ANKRD31: variants seen among roughly 807,000 people sequenced by gnomAD.
ANKRD31 encodes the protein ankyrin repeat domain-containing protein 31.
A neutral mutation model predicts 186.0 loss-of-function variants in ANKRD31; 147 were observed. The observed-to-expected ratio is 0.79, with a 90% CI of 0.69 to 0.91. The LOEUF (loss-of-function observed/expected upper bound fraction) is 0.91. Ranked by LOEUF, ANKRD31 falls within the 40% of genes least tolerant of loss-of-function variation. The pLI is 0.00. For synonymous variants in ANKRD31, 673 were observed against 736.4 expected, an observed-to-expected ratio of 0.91 and a Z score of 1.39; for missense variants, 1,986 against 2,148.8, an observed-to-expected ratio of 0.92 and a Z score of 1.50.
chr5:75,177,527 T>C (rs7732721), intron 10 of ANKRD31, among the ~76,000 whole-genome samples: 76,734 of 151,946 alleles, frequency 0.51, 22,314 homozygotes, highest in African/African-American at 0.81. Context: ...AGACTAACAG[T>C]GGATCTCTTG....
chr5:75,196,154 C>T lies in ANKRD31; in HGVS notation c.494G>A (p.Gly165Asp). 1 of 1,506,518 alleles carries T rather than the reference C, an allele frequency of 6.6e-7. No homozygotes were observed. The highest frequency in any genetic ancestry group is 8.8e-7 in the Non-Finnish European group (1 of 1,136,270). The allele number at this position is 1,506,518 out of a possible 1,614,324, so 93.3% of individuals were successfully genotyped here. A position where few individuals can be genotyped will look rare whatever the true frequency, so the allele number is the denominator to read the frequency against. The change falls in exon 7 of 26, where the codon GGC (glycine) becomes GAC (aspartate). Residue 165 changes from glycine (G) to aspartate (D), a missense_variant. Coordinates refer to ENST00000506364, the MANE Select transcript of ANKRD31 (RefSeq NM_001372053.1). ...RDSPEVSLLS[G>D]TAITVSDTVA... ...TGTATCAGATACTGTAATAGCAGTG[C>T]CTGAGAGAAGGCTAACTTCAGGAGA...
intron 23 of ANKRD31, among the ~76,000 whole-genome samples, chr5:75,089,837 T>C (rs900045370): frequency 6.6e-6 from 1 of 152,226 alleles, no homozygotes; most frequent in Non-Finnish European, 1.5e-5. Flanking sequence ...CTAATTGACA[T>C]GGCTATGAGA....
At chr5:75,192,836 A>G in intron 8 of ANKRD31, 60 bp from the exon 9 acceptor site, 1 of 1,225,904 alleles carries the variant, frequency 8.2e-7, no homozygotes. Context: ...TTCACAGAGA[A>G]TTATACCAAT....
chr5:75,200,297 C>CTTTTTT (rs373390533), intron 5 of ANKRD31, among the ~76,000 whole-genome samples: 3 of 144,108 alleles, frequency 2.1e-5, no homozygotes, highest in South Asian at 2.2e-4. Context: ...TTCTTTCTTT[C>CTTTTTT]TTTTTTTTTT....
chr5:75,227,733 A>G (rs1007543469), intron 2 of ANKRD31, among the ~76,000 whole-genome samples: 3 of 152,148 alleles, frequency 2.0e-5, no homozygotes, highest in Admixed American at 1.3e-4. Flanking sequence ...AGAGGTCCCC[A>G]ATCCCTGGAC....
At chr5:75,147,829 C>G (rs1012696076) in intron 13 of ANKRD31, among the ~76,000 whole-genome samples, 3 of 151,770 alleles carry the variant, frequency 2.0e-5, no homozygotes, top group African/African-American at 7.3e-5. Context: ...TTTTTATATG[C>G]TTTTAAATTA....
At chr5:75,157,863 G>A (rs943994316) in intron 11 of ANKRD31, among the ~76,000 whole-genome samples, 6 of 152,186 alleles carry the variant, frequency 3.9e-5, no homozygotes, top group African/African-American at 1.4e-4. Flanking sequence ...TTTAGAGACA[G>A]TAAATAGGTT....
intron 5 of ANKRD31, among the ~76,000 whole-genome samples, chr5:75,204,934 TG>T (rs1349047757): frequency 1.3e-5 from 2 of 152,246 alleles, no homozygotes; most frequent in Non-Finnish European, 2.9e-5. Flanking sequence ...TCACCCGGGC[TG>T]GAAACATGGC....
chr5:75,086,108 G>A (rs1745461948), intron 23 of ANKRD31, among the ~76,000 whole-genome samples: 1 of 152,290 alleles, frequency 6.6e-6, no homozygotes, highest in Non-Finnish European at 1.5e-5. Flanking sequence ...CCCTGACAAT[G>A]TCCAACACAT....
chr5:75,103,780 A>G (rs182017246), intron 22 of ANKRD31, among the ~76,000 whole-genome samples: 15 of 152,322 alleles, frequency 9.8e-5, no homozygotes, highest in Admixed American at 2.6e-4. Flanking sequence ...GTTCTCACTT[A>G]TAAGTGGGAG....
At chr5:75,150,188 A>G (rs1751748849) in intron 12 of ANKRD31, among the ~76,000 whole-genome samples, 2 of 151,920 alleles carry the variant, frequency 1.3e-5, no homozygotes, top group Admixed American at 1.3e-4. Flanking sequence ...TAAGAAAATT[A>G]GGAATGTTAA....
At chr5:75,082,814 A>G (rs1745185702) in intron 24 of ANKRD31, among the ~76,000 whole-genome samples, 1 of 152,232 alleles carries the variant, frequency 6.6e-6, no homozygotes, top group African/African-American at 2.4e-5. Context: ...TTCTGCTAGA[A>G]TTAACTAAGG....
chr5:75,116,939 T>C (rs926295205), intron 18 of ANKRD31, among the ~76,000 whole-genome samples: 15 of 152,164 alleles, frequency 9.9e-5, no homozygotes, highest in African/African-American at 3.4e-4. Context: ...GGTAGTTTAT[T>C]ATATCCATTT....
intron 2 of ANKRD31, chr5:75,225,555 G>A: frequency 3.5e-6 from 1 of 283,534 alleles, no homozygotes; most frequent in Non-Finnish European, 7.0e-6. Context: ...TGAATGACAG[G>A]GTTTGTCAAT....
chr5:75,229,864 C>CAAAAAAAAAAAAAAAAAAAA (rs1210080751), intron 2 of ANKRD31, among the ~76,000 whole-genome samples: 3 of 37,856 alleles, frequency 7.9e-5, no homozygotes, highest in Admixed American at 3.1e-4. Context: ...GACTCTGTCT[C>CAAAAAAAAAAAAAAAAAAAA]AAAAAAAAAA....
intron 25 of ANKRD31, among the ~76,000 whole-genome samples, chr5:75,069,817 A>T (rs1359720031): frequency 6.6e-6 from 1 of 152,188 alleles, no homozygotes; most frequent in Non-Finnish European, 1.5e-5. Flanking sequence ...AAGTGCAATG[A>T]GATTTTTATT....
rs143475596 is a variant in ANKRD31, at chr5:75,101,291, T to C, written c.5331+2937A>G. Among the ~76,000 whole-genome samples, 43 of 152,296 alleles carry C rather than the reference T, an allele frequency of 2.8e-4. No homozygotes were observed. In the East Asian group the frequency reaches 7.7e-3, roughly 27 times the overall value. The stretch of plus-strand genomic sequence containing the variant: ...GGCTTGTAGAGTTTCTGCCAAGAGA[T>C]CTGCTGTTAGTCTGATGGGCTTCCC... On this transcript the variant is annotated intron_variant, in intron 22 of 25. Transcript: ENST00000506364.
intron 17 of ANKRD31, among the ~76,000 whole-genome samples, chr5:75,137,261 A>G (rs940893408): frequency 6.6e-6 from 1 of 152,206 alleles, no homozygotes; most frequent in Non-Finnish European, 1.5e-5. Context: ...TATGGATAAC[A>G]ATAAGGGTTT....
At chr5:75,213,038 C>T (rs1288814200) in intron 3 of ANKRD31, among the ~76,000 whole-genome samples, 1 of 151,990 alleles carries the variant, frequency 6.6e-6, no homozygotes, top group Non-Finnish European at 1.5e-5. Flanking sequence ...TAACCTCAAC[C>T]TTCTCCAATT....
Sources: gnomAD v4.1 joint callset for allele counts (sites outside exome capture counted in the v4.1 genomes callset) on GRCh38, gnomAD v4.1.1 for gene constraint, MANE v1.5 for transcripts, NCBI Gene and HGNC (gene_info 2026-07-23, HGNC 2026-07-21) for gene names.